The following DNHD1 variants were observed in gnomAD, a reference collection of about 807,000 sequenced individuals.
DNHD1 encodes the protein dynein heavy chain domain-containing protein 1.
Under a neutral mutation model 458.1 loss-of-function variants are expected in DNHD1, and 383 were observed. That is an observed-to-expected ratio of 0.84 (90% CI 0.77 to 0.91). The LOEUF (loss-of-function observed/expected upper bound fraction) is 0.91. DNHD1 is among the 40% of genes least tolerant of loss of function. The pLI is 0.00. For synonymous variants in DNHD1, 2,203 were observed against 2,376.9 expected (o/e 0.93, Z 2.13); for missense variants, 5,336 against 5,866.1 (o/e 0.91, Z 2.95).
Position 6,548,610 on chromosome 11 carries a change from G to T in DNHD1, c.7099-35G>T, listed in dbSNP as rs1381716101. On this transcript the variant is annotated intron_variant, in intron 23 of 42. Transcript: ENST00000254579. This position sits in a 1 kb window ranked among gnomAD's most constrained non-coding sequence, Gnocchi z 4.4. ...TCAGCTAGATTACTGTCTTATACTG[G>T]AGGTGCTGCAGTAAGTCCCACTTCT... 1.3e-6 allele frequency: 2 copies of T among 1,549,124 alleles called. No homozygotes were observed. The highest frequency in any genetic ancestry group is 3.9e-5 in the Admixed American group (2 of 50,930).
At position 6,546,442 on chromosome 11, in the gene DNHD1, G is replaced by C; in HGVS notation, c.5503G>C (p.Val1835Leu). 1.3e-6 allele frequency: 2 copies of C among 1,551,440 alleles called. No individual in the cohort carries two copies. Among genetic ancestry groups the C allele is most frequent in the Non-Finnish European group, 1.7e-6 (2 of 1,147,036 alleles). ...VALALPDLRQ[V>L]AELTLLGAGM... ...ATTGGCATTGCCTGATCTGCGGCAA[G>C]TGGCAGAGCTGACTCTGCTGGGTGC... is the stretch of plus-strand genomic sequence containing the variant. The change falls in exon 21 of 43, where the codon GTG becomes CTG. Residue 1835 changes from valine to leucine, a missense_variant. Physicochemically the swap from Val to Leu is conservative, Grantham distance 32 (BLOSUM62 1). This residue lies in a region of DNHD1 where 3,932 missense variants were observed against 4,365.6 expected (regional missense o/e 0.90). Transcript: ENST00000254579.
intron 10 of DNHD1, among the ~76,000 whole-genome samples, chr11:6,522,770 A>G (rs1852629832): frequency 6.6e-6 from 1 of 152,194 alleles, no homozygotes; most frequent in Non-Finnish European, 1.5e-5. Context: ...TTACAAAATA[A>G]TTTCAATAGC....
intron 10 of DNHD1, among the ~76,000 whole-genome samples, chr11:6,522,892 C>T (rs1194135410): frequency 1.3e-5 from 2 of 152,144 alleles, no homozygotes; most frequent in Admixed American, 6.5e-5. Flanking sequence ...AAAATAGTTG[C>T]AACATATTCT....
intron 24 of DNHD1, among the ~76,000 whole-genome samples, chr11:6,551,746 T>G (rs7108012): frequency 0.36 from 54,892 of 151,982 alleles, 10,353 homozygotes; most frequent in Middle Eastern, 0.55. Context: ...ATGGAGACCA[T>G]CCTGGCCAAC....
At chr11:6,556,659 A>G (rs1853465599) in intron 24 of DNHD1, 24 bp from the exon 25 acceptor site, 3 of 1,515,062 alleles carry the variant, frequency 2.0e-6, no homozygotes, top group African/African-American at 1.4e-5. Flanking sequence ...ACATGTCCTC[A>G]TTATTATTCC....
At position 6,548,354 on chromosome 11, in the gene DNHD1, G is replaced by A; in HGVS notation, c.7050G>A (p.Leu2350=). 1 of 1,551,662 alleles carries A rather than the reference G, an allele frequency of 6.4e-7. No individual in the cohort carries two copies. The highest frequency in any genetic ancestry group is 8.7e-7 in the Non-Finnish European group (1 of 1,146,988). The stretch of plus-strand genomic sequence containing the variant: ...TGGTCCCCTTCACTGGCCAATACCT[G>A]AGCAGCCACATCAAAGGAACTTTGG... ...GTLVPFTGQY[L]SSHIKGTLGT... The change falls in exon 23 of 43, where the codon CTG becomes CTA. Residue 2350 remains leucine (L), a synonymous_variant. Coordinates refer to ENST00000254579, the MANE Select transcript of DNHD1 (RefSeq NM_144666.3). The surrounding 1 kb of genome is among the most constrained non-coding windows in gnomAD (Gnocchi z 4.4).
rs145000254 is a variant in DNHD1, at chr11:6,538,430, G to A, written c.3046G>A (p.Val1016Met). 1 of 1,551,754 alleles carries A rather than the reference G, an allele frequency of 6.4e-7. No individual in the cohort carries two copies. The highest frequency in any genetic ancestry group is 1.4e-5 in the African/African-American group (1 of 73,172). ...GCCAATCTGTGGGACACGTCCTATT[G>A]TGCAGCAGCAGCGCATATGGCACCT... is the stretch of plus-strand genomic sequence containing the variant. The part of the protein sequence containing the change: ...PLPICGTRPI[V>M]QQQRIWHLYR... Residue 1016 changes from valine (V) to methionine (M), a missense_variant, in exon 15 of 43, where the codon GTG becomes ATG. Around this residue, in one of 4 missense-constraint regions of DNHD1, gnomAD observed 3,932 missense variants for 4,365.6 expected, o/e 0.90. Coordinates refer to ENST00000254579, the MANE Select transcript of DNHD1 (RefSeq NM_144666.3).
chr11:6,557,313 T>C lies in DNHD1; in HGVS notation c.8018T>C (p.Leu2673Pro), dbSNP rs537026393. The C allele has an allele frequency of 1.6e-4, 256 of 1,551,620 alleles. 2 individuals carry two copies. In the South Asian group the frequency reaches 2.8e-3, roughly 17 times the overall value. Residue 2673 changes from leucine (L) to proline (P), a missense_variant, in exon 25 of 43, where the codon CTA becomes CCA. This residue lies in a region of DNHD1 where 3,932 missense variants were observed against 4,365.6 expected (regional missense o/e 0.90). Coordinates refer to ENST00000254579, the MANE Select transcript of DNHD1 (RefSeq NM_144666.3). ...RERSYCAKLL[L>P]VVAQSVFCCG... is the part of the protein sequence containing the mutation. ...CGCTCCTACTGTGCCAAGCTGCTCC[T>C]AGTAGTAGCTCAAAGTGTCTTCTGC...
Position 6,567,727 on chromosome 11 carries a change from A to T in DNHD1, c.12218A>T (p.Tyr4073Phe), listed in dbSNP as rs1356384994. Residue 4073 changes from tyrosine (Y) to phenylalanine (F), a missense_variant, in exon 36 of 43, where the codon TAT becomes TTT. Coordinates refer to ENST00000254579, the MANE Select transcript of DNHD1 (RefSeq NM_144666.3). ...GGTCGGCCCCTGGATGAAAACACGT[A>T]TGCTCCCACCATGCCCTTTAAACAT... ...LLGRPLDENT[Y>F]APTMPFKHSQ... 1 of 1,613,694 alleles carries T rather than the reference A, an allele frequency of 6.2e-7. No homozygotes were observed. Among genetic ancestry groups the T allele is most frequent in the Non-Finnish European group, 8.5e-7 (1 of 1,179,886 alleles).
Position 6,558,966 on chromosome 11 carries a change from C to T in DNHD1, c.9276C>T (p.Ile3092=). The T allele has an allele frequency of 6.4e-6, 10 of 1,551,736 alleles. No individual in the cohort carries two copies. Among genetic ancestry groups the T allele is most frequent in the African/African-American group, 1.4e-5 (1 of 73,170 alleles). ...GTGTGGCCAAAGCCATGGCTCTTATCCACCTTTCGGCCACCCACTACCATG... is the reference window on the plus strand; with the variant it reads ...GTGTGGCCAAAGCCATGGCTCTTATTCACCTTTCGGCCACCCACTACCATG... ...IPSVAKAMAL[I]HLSATHYHEH... is the part of the protein sequence containing the mutation. Residue 3092 remains isoleucine, a synonymous_variant, in exon 27 of 43, where the codon ATC becomes ATT. Transcript: ENST00000254579.
chr11:6,529,012 G>A lies in DNHD1; in HGVS notation c.2238G>A (p.Leu746=), dbSNP rs940412281. Residue 746 remains leucine, a synonymous_variant, in exon 12 of 43, where the codon CTG becomes CTA. Coordinates refer to ENST00000254579, the MANE Select transcript of DNHD1 (RefSeq NM_144666.3). ...RGGPIKNYVT[L]VSRLNVWQAR... ...GTCCCATCAAGAACTACGTGACGCT[G>A]GTGAGCCGCCTGAATGTTTGGCAGG... is the stretch of plus-strand genomic sequence containing the variant. 1 of 1,551,504 alleles carries A rather than the reference G, an allele frequency of 6.4e-7. No individual in the cohort carries two copies. Among genetic ancestry groups the A allele is most frequent in the African/African-American group, 1.4e-5 (1 of 73,186 alleles).
intron 28 of DNHD1, among the ~76,000 whole-genome samples, chr11:6,562,002 A>AG (rs1853597903): frequency 6.6e-6 from 1 of 152,244 alleles, no homozygotes; most frequent in Non-Finnish European, 1.5e-5. Context: ...TTAGAAAACC[A>AG]GCCAGGCTGC....
intron 18 of DNHD1, 61 bp downstream of exon 18, chr11:6,540,144 A>G: frequency 7.0e-6 from 10 of 1,433,492 alleles, no homozygotes; most frequent in South Asian, 1.2e-5. Context: ...TTCATCCACC[A>G]TATCCATCAA....
In DNHD1 at chr11:6,567,346, C is replaced by CA. The variant is rs768559512; in HGVS notation, c.11838dup (p.Gly3947ArgfsTer43). 6.2e-7 allele frequency: 1 copy of CA among 1,614,064 alleles called. No homozygotes were observed. The highest frequency in any genetic ancestry group is 1.6e-4 in the Middle Eastern group (1 of 6,062). On this transcript the variant is annotated frameshift_variant, in exon 36 of 43. Transcript: ENST00000254579. LOFTEE classifies it high-confidence loss of function. The stretch of plus-strand genomic sequence containing the variant: ...GGCGCTTTGGCTCTGCTGCAAGCAA[C>CA]AGGGAAAGCATCAGAGCTGGAAAGA...
Position 6,548,938 on chromosome 11 carries a change from G to C in DNHD1, c.7387+5G>C, listed in dbSNP as rs139649212. The C allele has an allele frequency of 9.2e-5, 142 of 1,551,120 alleles. No homozygotes were observed. In the East Asian group the frequency reaches 3.4e-3, roughly 37 times the overall value. Reference sequence around the variant, plus strand: ...ACCTGCACCTAGCCACTTCTGGTGAGGAGCTGCGAAGAGGGAAGGAAGGAG... The same window carrying C: ...ACCTGCACCTAGCCACTTCTGGTGACGAGCTGCGAAGAGGGAAGGAAGGAG... On this transcript the variant is annotated splice_donor_5th_base_variant and intron_variant, in intron 24 of 42. Coordinates refer to ENST00000254579, the MANE Select transcript of DNHD1 (RefSeq NM_144666.3). The surrounding 1 kb of genome is among the most constrained non-coding windows in gnomAD (Gnocchi z 4.4).
Position 6,566,686 on chromosome 11 carries a change from A to G in DNHD1, c.11306A>G (p.Glu3769Gly), listed in dbSNP as rs1853708342. The change falls in exon 35 of 43, where the codon GAG becomes GGG. Residue 3769 changes from glutamate to glycine, a missense_variant. Transcript: ENST00000254579. ...ATGCTGCATGAAATCTTGTGCAGAG[A>G]GTATCCTGAACTCGAGACCCGCTGG... ...EQMLHEILCR[E>G]YPELETRWQD... is the part of the protein sequence containing the mutation. The G allele has an allele frequency of 6.2e-7, 1 of 1,613,310 alleles. No individual in the cohort carries two copies. Among genetic ancestry groups the G allele is most frequent in the Non-Finnish European group, 8.5e-7 (1 of 1,179,624 alleles).
At chr11:6,554,917 T>G (rs569990143) in intron 24 of DNHD1, among the ~76,000 whole-genome samples, 1 of 152,274 alleles carries the variant, frequency 6.6e-6, no homozygotes, top group African/African-American at 2.4e-5. Context: ...CCAAGTAAAA[T>G]GAGAACCGCA....
rs775475556 is a variant in DNHD1, at chr11:6,528,631, G to A, written c.1947G>A (p.Trp649Ter). The change falls in exon 11 of 43, where the codon TGG becomes TGA. Residue 649 changes from tryptophan to a stop codon, truncating the protein, a stop_gained. Transcript: ENST00000254579. LOFTEE classifies it high-confidence loss of function. ...GTGGCCCGAATGTGGGATTGGTGTG[G>A]CCCTGGAAGTCTCACCCAATTGCTG... ...IFCGPNVGLVWPWKSHPIAGI... is the reference protein window; with the variant it reads ...IFCGPNVGLV The A allele has an allele frequency of 1.3e-6, 2 of 1,551,734 alleles. No individual in the cohort carries two copies. Among genetic ancestry groups the A allele is most frequent in the Non-Finnish European group, 1.7e-6 (2 of 1,147,008 alleles).
chr11:6,554,139 T>G (rs1347751235), intron 24 of DNHD1, among the ~76,000 whole-genome samples: 2 of 152,196 alleles, frequency 1.3e-5, no homozygotes, highest in Admixed American at 6.5e-5. Context: ...AGGATATACA[T>G]ATGGACTAAT....
Sources: allele counts gnomAD v4.1 joint callset (sites outside exome capture counted in the v4.1 genomes callset), GRCh38; gene constraint gnomAD v4.1.1; regional missense constraint gnomAD v4.1.1; non-coding constraint Gnocchi (gnomAD v3.1); transcripts MANE v1.5; gene names NCBI Gene and HGNC (gene_info 2026-07-23, HGNC 2026-07-21).